The following TBC1D32 variants were observed in gnomAD, a reference collection of about 807,000 sequenced individuals.
TBC1D32 encodes the protein protein broad-minded.
TBC1D32 carries 151 observed loss-of-function variants against 170.3 expected under a neutral mutation model. That is an observed-to-expected ratio of 0.89 (90% CI 0.78 to 1.01). The LOEUF (loss-of-function observed/expected upper bound fraction) is 1.01, where lower values mean the gene tolerates loss of function less well. Ranked by LOEUF, TBC1D32 falls within the 50% of genes least tolerant of loss-of-function variation. The pLI, the probability that TBC1D32 is intolerant of heterozygous loss-of-function variation, is 0.00. For synonymous variants in TBC1D32, 498 were observed against 488.0 expected, an observed-to-expected ratio of 1.02 and a Z score of -0.27; for missense variants, 1,464 against 1,457.1, an observed-to-expected ratio of 1.00 and a Z score of -0.08.
intron 1 of TBC1D32, among the ~76,000 whole-genome samples, chr6:121,328,948 C>T (rs1016304399): frequency 6.6e-6 from 1 of 152,042 alleles, no homozygotes; most frequent in African/African-American, 2.4e-5. Flanking sequence ...ATATCTTTTA[C>T]AAAATATTCT....
chr6:121,225,184 C>T (rs1022699722), intron 20 of TBC1D32, among the ~76,000 whole-genome samples: 1 of 152,020 alleles, frequency 6.6e-6, no homozygotes, highest in Non-Finnish European at 1.5e-5. Context: ...ACTGTATAAA[C>T]TTCTCTAATC....
Position 121,106,099 on chromosome 6 carries a change from T to A in TBC1D32, c.3389A>T (p.Tyr1130Phe), listed in dbSNP as rs1283163454. 1.2e-6 allele frequency: 2 copies of A among 1,607,436 alleles called. No homozygotes were observed. The highest frequency in any genetic ancestry group is 1.3e-5 in the African/African-American group (1 of 74,776). ...CTCAGCCTTCAGTAGCATTTCAATA[T>A]AATGGGTGCTGCAAAAATATACTGG... Reference protein sequence around the residue: ...IHPVYFCSTHYIEMLLKAELP... With the variant: ...IHPVYFCSTHFIEMLLKAELP... The change falls in exon 30 of 32, where the codon TAT becomes TTT. Residue 1130 changes from tyrosine to phenylalanine, a missense_variant. Tyr to Phe is a conservative substitution (Grantham distance 22, BLOSUM62 3). Around this residue, in one of 3 missense-constraint regions of TBC1D32, gnomAD observed 1,363 missense variants for 1,338.1 expected, o/e 1.02. Transcript: ENST00000398212.
intron 21 of TBC1D32, among the ~76,000 whole-genome samples, chr6:121,212,467 T>G (rs1793202015): frequency 1.3e-5 from 2 of 148,208 alleles, no homozygotes; most frequent in Non-Finnish European, 3.0e-5. Flanking sequence ...TTTTTTTTTT[T>G]TTTTGAGATG....
intron 21 of TBC1D32, among the ~76,000 whole-genome samples, chr6:121,219,301 C>A (rs895552083): frequency 6.6e-6 from 1 of 152,128 alleles, no homozygotes; most frequent in Non-Finnish European, 1.5e-5. Flanking sequence ...ATGTCTAAAT[C>A]ATGACAGAAA....
chr6:121,310,356 G>A (rs1301601117), intron 4 of TBC1D32, among the ~76,000 whole-genome samples: 2 of 151,982 alleles, frequency 1.3e-5, no homozygotes, highest in Non-Finnish European at 2.9e-5. Context: ...TGTACAAGAC[G>A]AATATACACG....
intron 15 of TBC1D32, among the ~76,000 whole-genome samples, chr6:121,264,709 T>C (rs916385486): frequency 6.6e-6 from 1 of 152,136 alleles, no homozygotes; most frequent in African/African-American, 2.4e-5. Flanking sequence ...TCAAAAAGCT[T>C]ATCCACCATG....
At chr6:121,268,086 C>T (rs1320288005) in intron 15 of TBC1D32, among the ~76,000 whole-genome samples, 1 of 152,104 alleles carries the variant, frequency 6.6e-6, no homozygotes, top group Admixed American at 6.5e-5. Context: ...AGAATATCCA[C>T]ACCAAAACCC....
chr6:121,317,360 A>G, intron 3 of TBC1D32, 135 bp downstream of exon 3: 1 of 574,546 alleles, frequency 1.7e-6, no homozygotes, highest in Non-Finnish European at 2.8e-6. Flanking sequence ...AATATTTAAT[A>G]TTAGGTTATT....
At chr6:121,097,458 G>A (rs1017169470) in intron 30 of TBC1D32, among the ~76,000 whole-genome samples, 2 of 152,128 alleles carry the variant, frequency 1.3e-5, no homozygotes, top group South Asian at 2.1e-4. Flanking sequence ...ATTATCACTG[G>A]TCATTAAAGA....
chr6:121,234,106 T>C (rs764985113), intron 20 of TBC1D32, among the ~76,000 whole-genome samples: 11 of 152,188 alleles, frequency 7.2e-5, no homozygotes, highest in Non-Finnish European at 1.2e-4. Context: ...TTTTCCTTTA[T>C]AAGTTACCTA....
chr6:121,318,429 T>C (rs978328065), intron 2 of TBC1D32, among the ~76,000 whole-genome samples: 7 of 152,188 alleles, frequency 4.6e-5, no homozygotes, highest in Admixed American at 3.3e-4. Context: ...ATTTTAGAGC[T>C]AGAAAGAACC....
intron 29 of TBC1D32, among the ~76,000 whole-genome samples, chr6:121,109,167 C>A (rs1342306907): frequency 6.6e-6 from 1 of 152,042 alleles, no homozygotes; most frequent in Non-Finnish European, 1.5e-5. Context: ...TCATGCCATT[C>A]TAATAACTGT....
chr6:121,155,420 T>G (rs536424456), intron 24 of TBC1D32, among the ~76,000 whole-genome samples: 3 of 152,274 alleles, frequency 2.0e-5, no homozygotes, highest in South Asian at 4.1e-4. Context: ...GGGTTTTCTA[T>G]GTATAGAATT....
At chr6:121,322,742 C>T (rs1809912023) in intron 1 of TBC1D32, among the ~76,000 whole-genome samples, 1 of 152,140 alleles carries the variant, frequency 6.6e-6, no homozygotes, top group African/African-American at 2.4e-5. Flanking sequence ...ATATCTTGTA[C>T]ATAGTAAACA....
intron 29 of TBC1D32, among the ~76,000 whole-genome samples, chr6:121,109,089 T>A (rs1384239681): frequency 6.6e-6 from 1 of 152,198 alleles, no homozygotes; most frequent in African/African-American, 2.4e-5. Context: ...ACACTAGACA[T>A]CTTTCCTACA....
intron 21 of TBC1D32, among the ~76,000 whole-genome samples, chr6:121,215,743 C>T (rs192707916): frequency 9.2e-5 from 14 of 151,610 alleles, no homozygotes; most frequent in Admixed American, 1.3e-4. Context: ...AAGAAGCATA[C>T]GAAAAAAGCA....
chr6:121,148,448 G>A (rs959008507), intron 24 of TBC1D32, among the ~76,000 whole-genome samples: 7 of 152,044 alleles, frequency 4.6e-5, no homozygotes, highest in African/African-American at 9.7e-5. Context: ...ATAAACATAC[G>A]TGTGCATGTG....
intron 19 of TBC1D32, among the ~76,000 whole-genome samples, chr6:121,240,357 A>ATTTTTTTTTTTTTTT (rs35946120): frequency 2.7e-5 from 2 of 75,292 alleles, no homozygotes; most frequent in Non-Finnish European, 4.9e-5. Flanking sequence ...GTTTAGGACA[A>ATTTTTTTTTTTTTTT]TTTTTTTTTT....
intron 4 of TBC1D32, among the ~76,000 whole-genome samples, chr6:121,310,364 A>G (rs1424247694): frequency 6.6e-6 from 1 of 152,220 alleles, no homozygotes; most frequent in Admixed American, 6.5e-5. Flanking sequence ...ACGAATATAC[A>G]CGATTTTTAT....
Sources: allele counts gnomAD v4.1 joint callset (sites outside exome capture counted in the v4.1 genomes callset), GRCh38; gene constraint gnomAD v4.1.1; regional missense constraint gnomAD v4.1.1; transcripts MANE v1.5; gene names NCBI Gene and HGNC (gene_info 2026-07-23, HGNC 2026-07-21).